DCDC2: variants seen among roughly 807,000 people sequenced by gnomAD.
DCDC2 encodes doublecortin domain-containing protein 2.
Under a neutral mutation model 50.2 loss-of-function variants are expected in DCDC2, and 40 were observed. The observed-to-expected ratio is 0.80, with a 90% CI of 0.62 to 1.04. DCDC2 has a LOEUF of 1.04. DCDC2 is among the 50% of genes least tolerant of loss of function. DCDC2 has a pLI of 0.00. For missense variants in DCDC2, 570 were observed against 581.9 expected (o/e 0.98, Z 0.21); for synonymous variants, 234 against 210.6 (o/e 1.11, Z -0.96).
At chr6:24,317,863 A>T (rs954931637) in intron 2 of DCDC2, among the ~76,000 whole-genome samples, 4 of 151,908 alleles carry the variant, frequency 2.6e-5, no homozygotes, top group African/African-American at 7.2e-5. Context: ...TCATGTTTTT[A>T]AAAAAAATCT....
intron 2 of DCDC2, among the ~76,000 whole-genome samples, chr6:24,315,172 C>CTTTTT (rs112135227): frequency 7.0e-6 from 1 of 143,820 alleles, no homozygotes. Flanking sequence ...TTGATCTTTG[C>CTTTTT]TTTTTTTTTT....
chr6:24,376,028 G>GA, the DCDC2 span, among the ~76,000 whole-genome samples: 3,701 of 149,214 alleles, frequency 0.025, 75 homozygotes, highest in African/African-American at 0.051. Context: ...GCATCTCCTG[G>GA]AAAAAAAAAA....
intron 7 of DCDC2, among the ~76,000 whole-genome samples, chr6:24,271,094 G>A (rs1581623102): frequency 1.3e-5 from 2 of 150,424 alleles, no homozygotes; most frequent in East Asian, 4.0e-4. Context: ...GGTGGCACCT[G>A]CCTGTAGTCC....
chr6:24,210,083 C>CCTGT (rs1014492670), intron 7 of DCDC2, among the ~76,000 whole-genome samples: 5 of 144,648 alleles, frequency 3.5e-5, no homozygotes, highest in East Asian at 2.0e-4. Context: ...TGCCTGCCTG[C>CCTGT]CTGTCTGTCT....
intron 7 of DCDC2, among the ~76,000 whole-genome samples, chr6:24,208,508 T>C (rs1283065013): frequency 1.3e-5 from 2 of 151,866 alleles, no homozygotes; most frequent in Non-Finnish European, 2.9e-5. Context: ...GTAGCTGGGA[T>C]TACAGGCATG....
chr6:24,290,886 TCAA>T (rs1172960290), intron 5 of DCDC2, 43 bp downstream of exon 5: 1 of 1,556,066 alleles, frequency 6.4e-7, no homozygotes, highest in Non-Finnish European at 8.7e-7. Context: ...CAATGCTATT[TCAA>T]GTGGTAACTA....
chr6:24,210,022 GTGT>G (rs1561891539), intron 7 of DCDC2, among the ~76,000 whole-genome samples: 7 of 22,138 alleles, frequency 3.2e-4, no homozygotes, highest in Non-Finnish European at 9.6e-4. Context: ...GTATCAGGGT[GTGT>G]GTGTGTGTGT....
At chr6:24,358,339 G>C (rs374684644), upstream of DCDC2, 2 of 170,458 alleles carry the variant, frequency 1.2e-5, no homozygotes, top group Admixed American at 6.3e-5. Flanking sequence ...AGCCAGATGC[G>C]GTGGCTTACG....
intron 7 of DCDC2, among the ~76,000 whole-genome samples, chr6:24,239,595 G>A (rs1352064610): frequency 1.3e-5 from 2 of 152,156 alleles, no homozygotes; most frequent in African/African-American, 4.8e-5. Context: ...TATTAAGCTG[G>A]ATCAGTCAGA....
intron 1 of DCDC2, 97 bp downstream of exon 1, chr6:24,357,361 C>T: frequency 7.1e-7 from 1 of 1,399,018 alleles, no homozygotes; most frequent in Non-Finnish European, 9.6e-7. Context: ...AGCCCCTCAA[C>T]CACTGAGGTG....
At chr6:24,272,323 T>A (rs1379155359) in intron 7 of DCDC2, among the ~76,000 whole-genome samples, 4 of 152,172 alleles carry the variant, frequency 2.6e-5, no homozygotes, top group Non-Finnish European at 4.4e-5. Flanking sequence ...AATAAGTGGA[T>A]CATGAAGGTG....
At chr6:24,311,673 T>C (rs1009423454) in intron 2 of DCDC2, among the ~76,000 whole-genome samples, 22 of 152,226 alleles carry the variant, frequency 1.4e-4, no homozygotes, top group African/African-American at 5.1e-4. Context: ...TCTAATTGTA[T>C]AGATGGGAAA....
At chr6:24,177,584 C>A (rs1012740418) in intron 9 of DCDC2, among the ~76,000 whole-genome samples, 1 of 152,160 alleles carries the variant, frequency 6.6e-6, no homozygotes, top group Admixed American at 6.5e-5. Context: ...GGAGAACATC[C>A]TGCCTCTTAT....
At chr6:24,372,883 T>C in the DCDC2 span, among the ~76,000 whole-genome samples, 27 of 152,212 alleles carry the variant, frequency 1.8e-4, no homozygotes, top group Non-Finnish European at 3.4e-4. Flanking sequence ...AACCTGCACG[T>C]TGTGCACATG....
chr6:24,177,695 G>T (rs3804320), intron 9 of DCDC2, among the ~76,000 whole-genome samples: 28,535 of 152,102 alleles, frequency 0.19, 3,220 homozygotes, highest in East Asian at 0.58. Context: ...AGACATAGAA[G>T]AACAGGCTAG....
chr6:24,334,072 A>C (rs1046709343), intron 2 of DCDC2, among the ~76,000 whole-genome samples: 8 of 152,328 alleles, frequency 5.3e-5, no homozygotes, highest in African/African-American at 1.9e-4. Flanking sequence ...AGTTATTGCT[A>C]ATTGGAGTAC....
At chr6:24,246,336 G>A (rs1203914841) in intron 7 of DCDC2, among the ~76,000 whole-genome samples, 1 of 151,872 alleles carries the variant, frequency 6.6e-6, no homozygotes. Context: ...TATTCCAAAT[G>A]ACTAGATCTT....
chr6:24,181,503 A>C (rs981395805), intron 8 of DCDC2, among the ~76,000 whole-genome samples: 5 of 152,190 alleles, frequency 3.3e-5, no homozygotes, highest in African/African-American at 4.8e-5. Context: ...AGGAGAATAC[A>C]TCACACATGA....
At chr6:24,368,808 T>C in the DCDC2 span, among the ~76,000 whole-genome samples, 1 of 152,076 alleles carries the variant, frequency 6.6e-6, no homozygotes, top group Admixed American at 6.5e-5. Flanking sequence ...CACTGTCTGA[T>C]TGTGGAATGT....
Sources: allele counts gnomAD v4.1 joint callset (sites outside exome capture counted in the v4.1 genomes callset), GRCh38; gene constraint gnomAD v4.1.1; transcripts MANE v1.5; gene names NCBI Gene and HGNC (gene_info 2026-07-23, HGNC 2026-07-21).